GRIA1: variants seen among roughly 807,000 people sequenced by gnomAD.
The protein encoded by GRIA1 is glutamate ionotropic receptor AMPA type subunit 1.
In GRIA1, 31 loss-of-function variants were observed where a neutral mutation model predicts 99.2. That is an observed-to-expected ratio of 0.31 (90% CI 0.23 to 0.42). The LOEUF is 0.42. Ranked by LOEUF, GRIA1 falls within the 10% of genes least tolerant of loss-of-function variation. The pLI, the probability that GRIA1 is intolerant of heterozygous loss-of-function variation, is 1.00. For synonymous variants in GRIA1, 438 were observed against 432.4 expected, an observed-to-expected ratio of 1.01 and a Z score of -0.16; for missense variants, 782 against 1,157.5, an observed-to-expected ratio of 0.68 and a Z score of 4.71.
intron 2 of GRIA1, among the ~76,000 whole-genome samples, chr5:153,607,042 G>GATATATATATATATATATATATATATAT (rs59233877): frequency 2.3e-5 from 3 of 127,758 alleles, no homozygotes; most frequent in African/African-American, 5.8e-5. Flanking sequence ...TATCACAAAA[G>GATATATATATATATATATATATATATAT]ATATATATAT....
In GRIA1 at chr5:153,811,071, C is replaced by T. The variant is rs987158225; in HGVS notation, c.2567C>T (p.Thr856Ile). The T allele has an allele frequency of 3.7e-6, 6 of 1,614,170 alleles. No individual in the cohort carries two copies. The highest frequency in any genetic ancestry group is 5.1e-6 in the Non-Finnish European group (6 of 1,179,990). Reference protein sequence around the residue: ...PQQSINEAIRTSTLPRNSGAG... With the variant: ...PQQSINEAIRISTLPRNSGAG... ...CAATCCATCAACGAAGCCATACGGA[C>T]ATCGACCCTCCCCCGCAACAGCGGG... Residue 856 changes from threonine (T) to isoleucine (I), a missense_variant, in exon 16 of 16, where the codon ACA (threonine) becomes ATA (isoleucine). Thr to Ile is a moderately conservative substitution (Grantham distance 89). Transcript: ENST00000285900.
chr5:153,742,954 T>TC (rs1761912228), intron 11 of GRIA1, among the ~76,000 whole-genome samples: 2 of 152,184 alleles, frequency 1.3e-5, no homozygotes, highest in Non-Finnish European at 2.9e-5. Flanking sequence ...ATAGATGTTT[T>TC]TGGGGGGCAA....
At chr5:153,537,350 C>G (rs1047083236) in intron 2 of GRIA1, among the ~76,000 whole-genome samples, 3 of 152,138 alleles carry the variant, frequency 2.0e-5, no homozygotes, top group African/African-American at 7.2e-5. Flanking sequence ...ATGATTTCTC[C>G]CCCGCAGACC....
rs541001076 is a variant in GRIA1, at chr5:153,670,693, A to G, written c.700-3807A>G. 3.3e-5 allele frequency among the ~76,000 whole-genome samples: 5 copies of G among 152,292 alleles called. No individual in the cohort carries two copies. In the South Asian group the frequency reaches 8.3e-4, roughly 25 times the overall value. The stretch of plus-strand genomic sequence containing the variant: ...CTAAGGTTTTTTTTAATAAAATGGC[A>G]AAGAAAATTAGAAAATTATTTAATT... On this transcript the variant is annotated intron_variant, in intron 5 of 15. Transcript: ENST00000285900.
chr5:153,770,062 C>A, intron 12 of GRIA1, 106 bp from the exon 13 acceptor site: 4 of 1,128,210 alleles, frequency 3.5e-6, no homozygotes, highest in Non-Finnish European at 5.2e-6. Context: ...CTGAGCTAAT[C>A]TCGCTCATGA....
intron 2 of GRIA1, among the ~76,000 whole-genome samples, chr5:153,545,071 C>T (rs1178218406): frequency 2.0e-5 from 3 of 152,114 alleles, no homozygotes; most frequent in Non-Finnish European, 2.9e-5. Flanking sequence ...TTAAGGAAGG[C>T]GCCATGTGCT....
chr5:153,686,491 T>A (rs950765591), intron 8 of GRIA1, among the ~76,000 whole-genome samples, 162 bp downstream of exon 8: 1 of 152,194 alleles, frequency 6.6e-6, no homozygotes, highest in East Asian at 1.9e-4. Flanking sequence ...AGCTGGGACA[T>A]TGGGCAAGTC....
At chr5:153,810,740 C>T (rs867124969) in intron 15 of GRIA1, among the ~76,000 whole-genome samples, 1 of 152,154 alleles carries the variant, frequency 6.6e-6, no homozygotes, top group Non-Finnish European at 1.5e-5. Flanking sequence ...AATATTCCAC[C>T]TTTAGAAATC....
chr5:153,528,081 TTTATGC>T (rs1561613472), intron 2 of GRIA1, among the ~76,000 whole-genome samples: 1 of 152,210 alleles, frequency 6.6e-6, no homozygotes, highest in Non-Finnish European at 1.5e-5. Context: ...CACCTGAGTG[TTTATGC>T]TTGCGAAAAT....
chr5:153,628,442 T>C lies in GRIA1; in HGVS notation c.221-18486T>C, dbSNP rs375445392. Among the ~76,000 whole-genome samples the C allele has an allele frequency of 1.2e-4, 18 of 152,368 alleles. No individual in the cohort carries two copies. The South Asian group carries it at 3.7e-3, about 32-fold the overall frequency. On this transcript the variant is annotated intron_variant, in intron 2 of 15. Coordinates refer to ENST00000285900, the MANE Select transcript of GRIA1 (RefSeq NM_000827.4). ...TGTAAATGGAGATTCTAGTACCTTC[T>C]TCATGGCATTGTGATTGGGAACAAT...
chr5:153,656,306 A>G (rs1490247207), intron 5 of GRIA1, among the ~76,000 whole-genome samples: 3 of 151,236 alleles, frequency 2.0e-5, no homozygotes, highest in African/African-American at 7.3e-5. Flanking sequence ...TTTTAACCAG[A>G]AACAACTTCC....
At chr5:153,504,468 C>T (rs1755306519) in intron 2 of GRIA1, among the ~76,000 whole-genome samples, 1 of 151,376 alleles carries the variant, frequency 6.6e-6, no homozygotes, top group African/African-American at 2.4e-5. Flanking sequence ...ATATAGATGT[C>T]CCCCATTGCA....
intron 2 of GRIA1, among the ~76,000 whole-genome samples, chr5:153,511,329 C>G (rs982900540): frequency 6.6e-6 from 1 of 152,248 alleles, no homozygotes; most frequent in South Asian, 2.1e-4. Context: ...AGTGCAGGTG[C>G]AGGTGCAGTC....
intron 11 of GRIA1, among the ~76,000 whole-genome samples, chr5:153,748,591 T>C (rs1581590626): frequency 6.6e-6 from 1 of 152,262 alleles, no homozygotes; most frequent in African/African-American, 2.4e-5. Flanking sequence ...ACATGGATTG[T>C]ATAAGAACAA....
intron 2 of GRIA1, among the ~76,000 whole-genome samples, chr5:153,617,223 G>A (rs1766586609): frequency 6.6e-6 from 1 of 152,164 alleles, no homozygotes; most frequent in East Asian, 1.9e-4. Flanking sequence ...GTAAATTAGT[G>A]AGTTCGTGAT....
At chr5:153,703,969 C>T (rs1157208290) in intron 10 of GRIA1, among the ~76,000 whole-genome samples, 5 of 152,318 alleles carry the variant, frequency 3.3e-5, no homozygotes, top group Admixed American at 2.6e-4. Context: ...TACCTTCTCC[C>T]CTGTACTGTC....
intron 8 of GRIA1, among the ~76,000 whole-genome samples, chr5:153,687,876 A>C (rs1757446250): frequency 2.6e-5 from 4 of 152,226 alleles, no homozygotes. Flanking sequence ...CAGTGACTTA[A>C]AACAACACAG....
chr5:153,656,402 T>C (rs570811872), intron 5 of GRIA1, among the ~76,000 whole-genome samples: 2 of 147,132 alleles, frequency 1.4e-5, no homozygotes, highest in African/African-American at 5.0e-5. Context: ...TATATATATA[T>C]ATATATATAT....
intron 2 of GRIA1, 103 bp from the exon 3 acceptor site, chr5:153,646,825 T>A (rs1277486895): frequency 6.3e-6 from 8 of 1,261,240 alleles, no homozygotes; most frequent in Non-Finnish European, 7.9e-6. Flanking sequence ...GTTGGGTGGA[T>A]AATTGATGGG....
Sources: gnomAD v4.1 joint callset for allele counts (sites outside exome capture counted in the v4.1 genomes callset) on GRCh38, gnomAD v4.1.1 for gene constraint, MANE v1.5 for transcripts, NCBI Gene and HGNC (gene_info 2026-07-23, HGNC 2026-07-21) for gene names.